The following ACHE variants were observed in gnomAD, a reference collection of about 807,000 sequenced individuals.
ACHE encodes the protein acetylcholinesterase.
A neutral mutation model predicts 53.9 loss-of-function variants in ACHE; 19 were observed. The ratio of observed to expected loss-of-function variants is 0.35; its 90% CI spans 0.25 to 0.52. The LOEUF (loss-of-function observed/expected upper bound fraction) is 0.52, where lower values mean the gene tolerates loss of function less well. ACHE is among the 20% of genes least tolerant of loss of function. The probability of loss-of-function intolerance (pLI) is 0.95; values close to 1 mark genes in which losing one functional copy is unlikely to be tolerated. For missense variants in ACHE, 605 were observed against 849.4 expected, an observed-to-expected ratio of 0.71 and a Z score of 3.58; for synonymous variants, 392 against 378.1, an observed-to-expected ratio of 1.04 and a Z score of -0.43.
At chr7:100,894,815 T>C (rs910756431) in intron 1 of ACHE, among the ~76,000 whole-genome samples, 6 of 141,784 alleles carry the variant, frequency 4.2e-5, no homozygotes, top group African/African-American at 1.0e-4. Context: ...TCTCATCCAA[T>C]GTCTGGCACC....
chr7:100,895,738 G>A (rs17881696), intron 1 of ACHE, 64 bp downstream of exon 1: 20,733 of 152,270 alleles, frequency 0.14, 1,735 homozygotes, highest in Middle Eastern at 0.21. Flanking sequence ...TGGACCCCTC[G>A]GGGAGCGCAC....
Position 100,890,209 on chromosome 7 carries a change from CG to C in ACHE, c.*4del, listed in dbSNP as rs1194056783. On this transcript the variant is annotated 3_prime_UTR_variant, in exon 5 of 5. Transcript: ENST00000241069. ...GGAGCGGAGGACATGGGGGTCCCGC[CG>C]GGGTCACAGGTCTGAGCAGCGATCC... is the stretch of plus-strand genomic sequence containing the variant. The C allele has an allele frequency of 1.2e-6, 2 of 1,613,402 alleles. No individual in the cohort carries two copies. The highest frequency in any genetic ancestry group is 1.7e-6 in the Non-Finnish European group (2 of 1,179,586).
In ACHE at chr7:100,890,097, G is replaced by C. The variant is rs918341410; in HGVS notation, c.*117C>G. On this transcript the variant is annotated 3_prime_UTR_variant, in exon 5 of 5. Coordinates refer to ENST00000241069, the MANE Select transcript of ACHE (RefSeq NM_000665.5). ...ACCGGGAGCCCCGGGGGACGTCGGGGTGGGGTGGGGATGGGCAGAGTCTGG... is the reference window on the plus strand; with the variant it reads ...ACCGGGAGCCCCGGGGGACGTCGGGCTGGGGTGGGGATGGGCAGAGTCTGG... 4 of 1,315,096 alleles carry C rather than the reference G, an allele frequency of 3.0e-6. No individual in the cohort carries two copies. Among genetic ancestry groups the C allele is most frequent in the Non-Finnish European group, 4.1e-6 (4 of 970,036 alleles). 81.5% of individuals were successfully genotyped at this position (1,315,096 alleles called of 1,614,324 possible).
chr7:100,896,512 G>T, upstream of ACHE: 1 of 208,036 alleles, frequency 4.8e-6, no homozygotes, highest in South Asian at 4.1e-5. Context: ...AGGGCATGGA[G>T]ACAGGAGACC....
chr7:100,892,833 GA>G lies in ACHE; in HGVS notation c.1069-16del. 2 of 1,558,616 alleles carry G rather than the reference GA, an allele frequency of 1.3e-6. No homozygotes were observed. The highest frequency in any genetic ancestry group is 1.7e-6 in the Non-Finnish European group (2 of 1,154,918). ...CCCACCAGCACCTGGGGGTGAGGGA[GA>G]GGGGGGTGGGATGGAGCGACAGGCA... On this transcript the variant is annotated splice_polypyrimidine_tract_variant and intron_variant, in intron 2 of 4. Transcript: ENST00000241069. This position sits in a 1 kb window ranked among gnomAD's most constrained non-coding sequence, Gnocchi z 5.2.
chr7:100,894,531 C>T (rs1357886509), intron 1 of ACHE: 1 of 289,484 alleles, frequency 3.5e-6, no homozygotes, highest in Non-Finnish European at 6.4e-6. Flanking sequence ...GTCCACTGCC[C>T]TCACCTCTTC....
rs922733426 is a variant in ACHE at position 100,890,041 on chromosome 7, G to A, written c.*173C>T. Reference sequence around the variant, plus strand: ...GCCCAGAGGGGCGAAGGCACCGCGGGGGAGGGAGCTCAGCCTGAGACATGC... The same window carrying A: ...GCCCAGAGGGGCGAAGGCACCGCGGAGGAGGGAGCTCAGCCTGAGACATGC... On this transcript the variant is annotated 3_prime_UTR_variant, in exon 5 of 5. Transcript: ENST00000241069. 6 of 726,690 alleles carry A rather than the reference G, an allele frequency of 8.3e-6. No individual in the cohort carries two copies. Among genetic ancestry groups the A allele is most frequent in the Non-Finnish European group, 1.3e-5 (6 of 462,452 alleles). 45.0% of individuals were successfully genotyped at this position (726,690 alleles called of 1,614,324 possible). A position where few individuals can be genotyped will look rare whatever the true frequency, so the allele number is the denominator to read the frequency against.
chr7:100,894,919 G>C (rs1001224035), intron 1 of ACHE, among the ~76,000 whole-genome samples: 1 of 152,062 alleles, frequency 6.6e-6, no homozygotes, highest in Non-Finnish European at 1.5e-5. Context: ...CAGGACTCGA[G>C]AGCCCCCCAT....
intron 4 of ACHE, chr7:100,890,834 G>GT: frequency 7.0e-7 from 1 of 1,421,906 alleles, no homozygotes; most frequent in South Asian, 1.7e-5. Flanking sequence ...CCTGTCCAGT[G>GT]TGAGTCTCTC....
intron 4 of ACHE, 48 bp downstream of exon 4, chr7:100,891,121 G>A: frequency 1.3e-6 from 2 of 1,563,576 alleles, no homozygotes; most frequent in Non-Finnish European, 1.7e-6. Context: ...ACACCTGGCG[G>A]GCTCCCACTC....
rs1270683096 is a variant in ACHE, at chr7:100,895,789, G to C, written c.-21+13C>G. 7 of 152,126 alleles carry C rather than the reference G, an allele frequency of 4.6e-5. No homozygotes were observed. The highest frequency in any genetic ancestry group is 1.7e-4 in the African/African-American group (7 of 41,418). The allele number at this position is 152,126 out of a possible 1,614,324, so 9.4% of individuals were successfully genotyped here. A position where few individuals can be genotyped will look rare whatever the true frequency, so the allele number is the denominator to read the frequency against. On this transcript the variant is annotated intron_variant, in intron 1 of 4. Transcript: ENST00000241069. ...GGCCTTAAGGAGAGTCCCGGGCGGG[G>C]AGGGAGACTCACCTGAGGCGGCCGA...
rs756893675 is a variant in ACHE, at chr7:100,892,858, C to T, written c.1069-40G>A. The T allele has an allele frequency of 7.3e-6, 11 of 1,512,350 alleles. No homozygotes were observed. In the African/African-American group the frequency reaches 1.4e-4, roughly 19 times the overall value. The allele number at this position is 1,512,350 out of a possible 1,614,324, so 93.7% of individuals were successfully genotyped here. On this transcript the variant is annotated intron_variant, in intron 2 of 4. Coordinates refer to ENST00000241069, the MANE Select transcript of ACHE (RefSeq NM_000665.5). This position sits in a 1 kb window ranked among gnomAD's most constrained non-coding sequence, Gnocchi z 5.2. ...GAGGGGGGTGGGATGGAGCGACAGG[C>T]ACAGACAGACAAGTAGACAGAAACA...
In ACHE at chr7:100,890,166, A is replaced by G; in HGVS notation, c.*48T>C. On this transcript the variant is annotated 3_prime_UTR_variant, in exon 5 of 5. Transcript: ENST00000241069. ...CCCAGCCCTGAAATAAATAGTATAT[A>G]CAGCTAGGGGGCCGGGCGGAGCGGA... The G allele has an allele frequency of 6.2e-7, 1 of 1,608,470 alleles. No homozygotes were observed. Among genetic ancestry groups the G allele is most frequent in the South Asian group, 1.1e-5 (1 of 90,900 alleles).
In ACHE at chr7:100,892,453, G is replaced by T. The variant is rs151107784; in HGVS notation, c.1434C>A (p.His478Gln). ...LSWPLWMGVP[H>Q]GYEIEFIFGI... ...CAAAGATGAACTCGATCTCGTAGCC[G>T]TGGGGCACCCCCATCCACAGGGGCC... Residue 478 changes from histidine (H) to glutamine (Q), a missense_variant, in exon 3 of 5, where the codon CAC (histidine) becomes CAA (glutamine). This residue lies in a region of ACHE where 397 missense variants were observed against 632.5 expected (regional missense o/e 0.63). Coordinates refer to ENST00000241069, the MANE Select transcript of ACHE (RefSeq NM_000665.5). This position sits in a 1 kb window ranked among gnomAD's most constrained non-coding sequence, Gnocchi z 5.2. 1 of 1,555,828 alleles carries T rather than the reference G, an allele frequency of 6.4e-7. No individual in the cohort carries two copies. The highest frequency in any genetic ancestry group is 8.7e-7 in the Non-Finnish European group (1 of 1,145,194).
intron 1 of ACHE, among the ~76,000 whole-genome samples, chr7:100,895,222 G>A (rs949311926): frequency 6.6e-6 from 1 of 152,148 alleles, no homozygotes; most frequent in African/African-American, 2.4e-5. Context: ...CTCTCCCGCC[G>A]GTCACTCCTA....
chr7:100,892,205 A>AT lies in ACHE; in HGVS notation c.1553+128dup, dbSNP rs1224101773. On this transcript the variant is annotated intron_variant, in intron 3 of 4. Transcript: ENST00000241069. This position sits in a 1 kb window ranked among gnomAD's most constrained non-coding sequence, Gnocchi z 5.2. ...CCCCTTTTATCTACTTTGTGAGCATATCCCTCTCTGGCTGTTCTATCCTGC... is the reference window on the plus strand; with the variant it reads ...CCCCTTTTATCTACTTTGTGAGCATATTCCCTCTCTGGCTGTTCTATCCTGC... 1.7e-6 allele frequency: 2 copies of AT among 1,179,558 alleles called. No individual in the cohort carries two copies. The highest frequency in any genetic ancestry group is 2.2e-6 in the Non-Finnish European group (2 of 904,510). 73.1% of individuals were successfully genotyped at this position (1,179,558 alleles called of 1,614,324 possible).
In ACHE at chr7:100,893,458, G is replaced by A. The variant is rs1790821936; in HGVS notation, c.775C>T (p.Gln259Ter). 1 of 1,607,738 alleles carries A rather than the reference G, an allele frequency of 6.2e-7. No individual in the cohort carries two copies. The highest frequency in any genetic ancestry group is 8.5e-7 in the Non-Finnish European group (1 of 1,179,532). The change falls in exon 2 of 5, where the codon CAG becomes TAG. Residue 259 changes from glutamine to a stop codon, truncating the protein, a stop_gained. Transcript: ENST00000241069. LOFTEE classifies it high-confidence loss of function. Reference protein sequence around the residue: ...SRGLFHRAVLQSGAPNGPWAT... With the variant: ...SRGLFHRAVL The stretch of plus-strand genomic sequence containing the variant: ...CAGGGTCCATTGGGGGCACCGCTCT[G>A]CAGCACGGCCCTGTGGAACAGGCCC...
In ACHE at chr7:100,890,011, T is replaced by G. The variant is rs976937123; in HGVS notation, c.*203A>C. The G allele has an allele frequency of 1.2e-5, 7 of 561,396 alleles. No homozygotes were observed. In the African/African-American group the frequency reaches 1.3e-4, roughly 11 times the overall value. The allele number at this position is 561,396 out of a possible 1,614,324, so 34.8% of individuals were successfully genotyped here. A position where few individuals can be genotyped will look rare whatever the true frequency, so the allele number is the denominator to read the frequency against. ...CACTCCCGTGGCTGTAACAGTTTAT[T>G]GGCAGCCCAGAGGGGCGAAGGCACC... is the stretch of plus-strand genomic sequence containing the variant. On this transcript the variant is annotated 3_prime_UTR_variant, in exon 5 of 5. Coordinates refer to ENST00000241069, the MANE Select transcript of ACHE (RefSeq NM_000665.5).
chr7:100,893,808 G>A lies in ACHE; in HGVS notation c.425C>T (p.Pro142Leu), dbSNP rs1250083882. The A allele has an allele frequency of 1.2e-6, 2 of 1,613,720 alleles. No homozygotes were observed. The highest frequency in any genetic ancestry group is 3.3e-5 in the Admixed American group (2 of 59,996). Residue 142 changes from proline to leucine, a missense_variant, in exon 2 of 5, where the codon CCC becomes CTC. Physicochemically the swap from Pro to Leu is moderately conservative, Grantham distance 98 (BLOSUM62 -3). Around this residue, in one of 4 missense-constraint regions of ACHE, gnomAD observed 397 missense variants for 632.5 expected, o/e 0.63. Transcript: ENST00000241069. ...VWTPYPRPTSPTPVLVWIYGG... is the reference protein window; with the variant it reads ...VWTPYPRPTSLTPVLVWIYGG... ...ATAGATCCAGACGAGGACAGGGGTG[G>A]GGGATGTAGGCCGGGGGTATGGTGT... is the stretch of plus-strand genomic sequence containing the variant.
Sources: gnomAD v4.1 joint callset for allele counts (sites outside exome capture counted in the v4.1 genomes callset) on GRCh38, gnomAD v4.1.1 for gene constraint, gnomAD v4.1.1 regional missense constraint, Gnocchi (gnomAD v3.1) non-coding constraint, MANE v1.5 for transcripts, NCBI Gene and HGNC (gene_info 2026-07-23, HGNC 2026-07-21) for gene names.